Variants in TNS3 observed in about 807,000 individuals in gnomAD.
TNS3 encodes the protein tensin-3.
In TNS3, 45 loss-of-function variants were observed where a neutral mutation model predicts 140.9. The ratio of observed to expected loss-of-function variants is 0.32; its 90% CI spans 0.25 to 0.41. The LOEUF (loss-of-function observed/expected upper bound fraction) is 0.41. Among genes scored for constraint, TNS3 ranks in the 10% least tolerant of loss-of-function variants. The pLI is 1.00. For synonymous variants in TNS3, 815 were observed against 788.4 expected, an observed-to-expected ratio of 1.03 and a Z score of -0.56; for missense variants, 1,716 against 1,906.7, an observed-to-expected ratio of 0.90 and a Z score of 1.86.
intron 4 of TNS3, among the ~76,000 whole-genome samples, chr7:47,443,790 G>A (rs191377404): frequency 2.1e-4 from 32 of 152,164 alleles, no homozygotes; most frequent in South Asian, 4.2e-4. Context: ...GCGTGGTGGC[G>A]CACACCTGTA....
chr7:47,340,248 G>C (rs1788920182), intron 20 of TNS3, among the ~76,000 whole-genome samples: 1 of 145,894 alleles, frequency 6.9e-6, no homozygotes, highest in Admixed American at 7.0e-5. Context: ...TCAGCCTCCT[G>C]AATAGCCGGG....
At chr7:47,450,607 G>T (rs1046591591) in intron 4 of TNS3, among the ~76,000 whole-genome samples, 1 of 152,196 alleles carries the variant, frequency 6.6e-6, no homozygotes, top group Admixed American at 6.5e-5. Context: ...CTGGAGCAGA[G>T]GTGACCATCC....
chr7:47,275,961 C>T lies in TNS3; in HGVS notation c.*2115G>A. On this transcript the variant is annotated 3_prime_UTR_variant, in exon 31 of 31. Coordinates refer to ENST00000311160, the MANE Select transcript of TNS3 (RefSeq NM_022748.12). The stretch of plus-strand genomic sequence containing the variant: ...TGACTTCTAAATGAGCTCTCTCATC[C>T]TTCATCAGAAGGATAAGGAACCTGG... The T allele has an allele frequency of 4.6e-6, 2 of 431,990 alleles. No individual in the cohort carries two copies. The highest frequency in any genetic ancestry group is 3.3e-5 in the South Asian group (2 of 60,872). 26.8% of individuals were successfully genotyped at this position (431,990 alleles called of 1,614,324 possible). A position where few individuals can be genotyped will look rare whatever the true frequency, so the allele number is the denominator to read the frequency against.
chr7:47,436,903 T>A (rs1795209963), intron 7 of TNS3, among the ~76,000 whole-genome samples: 2 of 152,172 alleles, frequency 1.3e-5, no homozygotes, highest in Non-Finnish European at 2.9e-5. Flanking sequence ...ATTTATCATC[T>A]ATACACACGA....
Position 47,303,479 on chromosome 7 carries a change from G to T in TNS3, c.2928C>A (p.Ser976=), listed in dbSNP as rs780158718. 7 of 1,611,224 alleles carry T rather than the reference G, an allele frequency of 4.3e-6. No individual in the cohort carries two copies. In the African/African-American group the frequency reaches 8.0e-5, roughly 18 times the overall value. The part of the protein sequence containing the change: ...PTGSPLSAEF[S]GTRKDSPVLS... The stretch of plus-strand genomic sequence containing the variant: ...GCACTGGGGAGTCCTTCCTGGTACC[G>T]GAGAACTCAGCGCTGAGGGGACTTC... The change falls in exon 22 of 31, where the codon TCC becomes TCA. Residue 976 remains serine, a synonymous_variant. Transcript: ENST00000311160.
Position 47,547,038 on chromosome 7 carries a change from A to G in TNS3, c.-264-17891T>C, listed in dbSNP as rs370302167. The stretch of plus-strand genomic sequence containing the variant: ...TCTGCTGCCCTTTGAGTTTCTGATT[A>G]GATGGTTTACAATTATACTGGCAGG... On this transcript the variant is annotated intron_variant, in intron 1 of 30. Transcript: ENST00000311160. Among the ~76,000 whole-genome samples the G allele has an allele frequency of 3.3e-4, 50 of 152,328 alleles. No individual in the cohort carries two copies. The South Asian group carries it at 0.01, about 31-fold the overall frequency.
rs1362416175 is a variant in TNS3 at position 47,369,218 on chromosome 7, GTCTGTC to G, written c.1422_1427del (p.Glu474_Thr475del). On this transcript the variant is annotated inframe_deletion, in exon 17 of 31. Coordinates refer to ENST00000311160, the MANE Select transcript of TNS3 (RefSeq NM_022748.12). ...GGTGGGGCATCTCGTCATCCAGAAT[GTCTGTC>G]TCCCGATCCTTCAGAGCAGCGTCTC... 6.2e-7 allele frequency: 1 copy of G among 1,614,224 alleles called. No individual in the cohort carries two copies.
chr7:47,451,765 G>GAGA (rs1453999270), intron 4 of TNS3, among the ~76,000 whole-genome samples: 3 of 152,312 alleles, frequency 2.0e-5, no homozygotes, highest in Admixed American at 2.0e-4. Flanking sequence ...CAAGCAAATG[G>GAGA]AGAAGAAATA....
chr7:47,579,809 GC>G, intron 1 of TNS3: 19 of 984,160 alleles, frequency 1.9e-5, no homozygotes, highest in Non-Finnish European at 2.3e-5. Flanking sequence ...AGCTGCGACT[GC>G]CAAATGGTAG....
rs149351740 is a variant in TNS3, at chr7:47,568,589, A to G, written c.-265+13462T>C. 3.8e-4 allele frequency among the ~76,000 whole-genome samples: 58 copies of G among 152,348 alleles called. No homozygotes were observed. In the Middle Eastern group the frequency reaches 0.01, roughly 27 times the overall value. On this transcript the variant is annotated intron_variant, in intron 1 of 30. Coordinates refer to ENST00000311160, the MANE Select transcript of TNS3 (RefSeq NM_022748.12). ...AATCTCCCCGCACAGGGCCTCACAC[A>G]CAGTCAATAATTCATGCCAGTTACT...
At chr7:47,530,838 A>AAAAAAAAAAAAAAAT in intron 1 of TNS3, among the ~76,000 whole-genome samples, 7 of 54,560 alleles carry the variant, frequency 1.3e-4, no homozygotes, top group African/African-American at 5.5e-4. Context: ...AAAAAAAAAA[A>AAAAAAAAAAAAAAAT]ATATATATAT....
chr7:47,507,632 G>A (rs975509345), intron 2 of TNS3, among the ~76,000 whole-genome samples: 3 of 152,206 alleles, frequency 2.0e-5, no homozygotes, highest in Admixed American at 2.0e-4. Context: ...TGGAACCAAT[G>A]CGGATTTCAC....
At chr7:47,321,383 T>A (rs1290401335) in intron 20 of TNS3, among the ~76,000 whole-genome samples, 1 of 152,220 alleles carries the variant, frequency 6.6e-6, no homozygotes, top group African/African-American at 2.4e-5. Context: ...CACTGGCTTC[T>A]GGACCCCGAA....
chr7:47,471,798 A>G (rs1336898127), intron 4 of TNS3, among the ~76,000 whole-genome samples: 2 of 152,208 alleles, frequency 1.3e-5, no homozygotes, highest in African/African-American at 4.8e-5. Context: ...CACCCAGATG[A>G]GGCTGGAGAG....
intron 4 of TNS3, among the ~76,000 whole-genome samples, chr7:47,474,145 C>CACACACACAA (rs1554336730): frequency 1.5e-5 from 2 of 137,276 alleles, no homozygotes; most frequent in African/African-American, 5.4e-5. Flanking sequence ...CACACACACA[C>CACACACACAA]AACACACATA....
chr7:47,540,518 C>T (rs10229846), intron 1 of TNS3, among the ~76,000 whole-genome samples: 57,030 of 152,016 alleles, frequency 0.38, 11,126 homozygotes, highest in Middle Eastern at 0.46. Flanking sequence ...TGAGTCCATT[C>T]CCTCACACGA....
At chr7:47,282,831 AG>A (rs1210963534) in intron 28 of TNS3, among the ~76,000 whole-genome samples, 1 of 152,028 alleles carries the variant, frequency 6.6e-6, no homozygotes, top group Non-Finnish European at 1.5e-5. Flanking sequence ...CTGAAGCTAC[AG>A]AGGGGAAGAT....
At chr7:47,281,210 T>C (rs1785128229) in intron 28 of TNS3, among the ~76,000 whole-genome samples, 1 of 152,208 alleles carries the variant, frequency 6.6e-6, no homozygotes, top group Non-Finnish European at 1.5e-5. Flanking sequence ...TGGTCACTGA[T>C]ACGACCCCCA....
At chr7:47,329,857 G>A (rs1307508028) in intron 20 of TNS3, among the ~76,000 whole-genome samples, 3 of 152,100 alleles carry the variant, frequency 2.0e-5, no homozygotes, top group African/African-American at 4.8e-5. Context: ...TCAGTGACTC[G>A]GAGCAAACCC....
Sources: allele counts gnomAD v4.1 joint callset (sites outside exome capture counted in the v4.1 genomes callset), GRCh38; gene constraint gnomAD v4.1.1; transcripts MANE v1.5; gene names NCBI Gene and HGNC (gene_info 2026-07-23, HGNC 2026-07-21).